Variants in EFNA4 observed in about 807,000 individuals in gnomAD.
The protein encoded by EFNA4 is ephrin A4, also known as ephrin-A4.
A neutral mutation model predicts 23.7 loss-of-function variants in EFNA4; 22 were observed. The ratio of observed to expected loss-of-function variants is 0.93; its 90% CI spans 0.66 to 1.32. EFNA4 has a LOEUF of 1.32. Ranked by LOEUF, EFNA4 falls within the 40% of genes most tolerant of loss-of-function variation. EFNA4 has a pLI of 0.00. For synonymous variants in EFNA4, 113 were observed against 108.3 expected (o/e 1.04, Z -0.27); for missense variants, 252 against 252.3 (o/e 1.00, Z 0.01).
At position 155,063,889 on chromosome 1, in the gene EFNA4, G is replaced by C; in HGVS notation, c.66G>C (p.Gly22=). Reference sequence around the variant, plus strand: ...CGTTCCTCGGCTCCCCTCTGCGCGGGGGCTCCAGCCTCCGCCACGTAGTCT... The same window carrying C: ...CGTTCCTCGGCTCCCCTCTGCGCGGCGGCTCCAGCCTCCGCCACGTAGTCT... The part of the protein sequence containing the change: ...WAAFLGSPLR[G]GSSLRHVVYW... The change falls in exon 1 of 4, where the codon GGG becomes GGC. Residue 22 remains glycine (G), a synonymous_variant. Coordinates refer to ENST00000368409, the MANE Select transcript of EFNA4 (RefSeq NM_005227.3). The surrounding 1 kb of genome is among the most constrained non-coding windows in gnomAD (Gnocchi z 4.1). 2 of 1,567,846 alleles carry C rather than the reference G, an allele frequency of 1.3e-6. No homozygotes were observed. Among genetic ancestry groups the C allele is most frequent in the Non-Finnish European group, 1.7e-6 (2 of 1,158,370 alleles).
rs112776418 is a variant in EFNA4, at chr1:155,066,655, AG to A, written c.114-71del. On this transcript the variant is annotated intron_variant, in intron 1 of 3. Transcript: ENST00000368409. ...GAGAGGCTGGCAGGGGCCTCTGAGA[AG>A]GGGTGTCTCTGGCATCCATGGCCAT... 6.4e-3 allele frequency: 9,510 copies of A among 1,496,974 alleles called. 440 individuals are homozygous for A. The African/African-American group carries it at 0.11, about 17-fold the overall frequency. 92.7% of individuals were successfully genotyped at this position (1,496,974 alleles called of 1,614,324 possible).
chr1:155,065,889 C>T (rs1398043505), intron 1 of EFNA4, among the ~76,000 whole-genome samples: 2 of 152,032 alleles, frequency 1.3e-5, no homozygotes, highest in Non-Finnish European at 1.5e-5. Flanking sequence ...CCCGCCACCA[C>T]GCCCGGCTAG....
chr1:155,068,511 G>A (rs1356048489), intron 3 of EFNA4, among the ~76,000 whole-genome samples: 1 of 127,934 alleles, frequency 7.8e-6, no homozygotes, highest in Non-Finnish European at 1.6e-5. Flanking sequence ...CAAACTCCTG[G>A]CCTCAAGTGA....
chr1:155,068,865 C>T lies in EFNA4; in HGVS notation c.482C>T (p.Ala161Val). 6.2e-7 allele frequency: 1 copy of T among 1,612,796 alleles called. No individual in the cohort carries two copies. Among genetic ancestry groups the T allele is most frequent in the East Asian group, 2.2e-5 (1 of 44,872 alleles). ...CTCCCCCTCACAGAGTCTGAGTCAG[C>T]CCATCCTGTTGGGAGCCCTGGAGAG... ...VCCKERKSES[A>V]HPVGSPGESG... Residue 161 changes from alanine to valine, a missense_variant, in exon 4 of 4, where the codon GCC (alanine) becomes GTC (valine). Transcript: ENST00000368409.
At position 155,068,969 on chromosome 1, in the gene EFNA4, C is replaced by G; in HGVS notation, c.586C>G (p.Arg196Gly). The change falls in exon 4 of 4, where the codon CGT becomes GGT. Residue 196 changes from arginine to glycine, a missense_variant. Arg to Gly is a moderately radical substitution (Grantham distance 125). Coordinates refer to ENST00000368409, the MANE Select transcript of EFNA4 (RefSeq NM_005227.3). Reference protein sequence around the residue: ...LLLLLLLLILRLLRIL With the variant: ...LLLLLLLLILGLLRIL ...GCTATTACTGCTGCTTCTGATTCTTCGTCTTCTGCGAATTCTGTGAGCCAA... is the reference window on the plus strand; with the variant it reads ...GCTATTACTGCTGCTTCTGATTCTTGGTCTTCTGCGAATTCTGTGAGCCAA... The G allele has an allele frequency of 6.2e-7, 1 of 1,614,042 alleles. No individual in the cohort carries two copies. The highest frequency in any genetic ancestry group is 1.7e-5 in the Admixed American group (1 of 59,998).
intron 1 of EFNA4, 47 bp from the exon 2 acceptor site, chr1:155,066,683 G>A (rs1405486186): frequency 6.6e-6 from 10 of 1,521,670 alleles, no homozygotes; most frequent in Non-Finnish European, 8.8e-6. Context: ...CATGGCCATG[G>A]CGTGGTGCCC....
chr1:155,067,010 T>C lies in EFNA4; in HGVS notation c.394T>C (p.Tyr132His). The part of the protein sequence containing the change: ...FEFLPGETYY[Y>H]ISVPTPESSG... ...GTTCTTACCTGGAGAGACTTACTAC[T>C]ACATCTGTGAGTGGCCAAGGGCACA... The change falls in exon 2 of 4, where the codon TAC becomes CAC. Residue 132 changes from tyrosine (Y) to histidine (H), a missense_variant. Transcript: ENST00000368409. The C allele has an allele frequency of 6.2e-7, 1 of 1,605,486 alleles. No homozygotes were observed.
intron 1 of EFNA4, among the ~76,000 whole-genome samples, chr1:155,065,927 G>A (rs368711426): frequency 4.6e-4 from 69 of 151,292 alleles, no homozygotes; most frequent in Non-Finnish European, 7.8e-4. Flanking sequence ...TAGTAGAGAC[G>A]GGGTTTCACC....
Position 155,063,953 on chromosome 1 carries a change from G to C in EFNA4, c.113+17G>C, listed in dbSNP as rs561720557. 2.7e-4 allele frequency: 417 copies of C among 1,530,486 alleles called. 3 individuals are homozygous for C. In the East Asian group the frequency reaches 0.011, roughly 40 times the overall value. The allele number at this position is 1,530,486 out of a possible 1,614,324, so 94.8% of individuals were successfully genotyped here. A position where few individuals can be genotyped will look rare whatever the true frequency, so the allele number is the denominator to read the frequency against. On this transcript the variant is annotated intron_variant, in intron 1 of 3. Coordinates refer to ENST00000368409, the MANE Select transcript of EFNA4 (RefSeq NM_005227.3). This position sits in a 1 kb window ranked among gnomAD's most constrained non-coding sequence, Gnocchi z 4.1. ...TAACCCCAGGTAGCCGGGCCGAACC[G>C]GGCGAGCGCACAGCCAAGTCTGCGC...
In EFNA4 at chr1:155,068,922, C is replaced by T. The variant is rs755687996; in HGVS notation, c.539C>T (p.Thr180Ile). The T allele has an allele frequency of 6.8e-6, 11 of 1,613,950 alleles. No individual in the cohort carries two copies. In the Admixed American group the frequency reaches 1.3e-4, roughly 20 times the overall value. Reference sequence around the variant, plus strand: ...ACATCAGGGTGGCGAGGGGGGGACACTCCCAGCCCCCTCTGTCTCTTGCTA... The same window carrying T: ...ACATCAGGGTGGCGAGGGGGGGACATTCCCAGCCCCCTCTGTCTCTTGCTA... ...SGTSGWRGGD[T>I]PSPLCLLLLL... Residue 180 changes from threonine to isoleucine, a missense_variant, in exon 4 of 4, where the codon ACT (threonine) becomes ATT (isoleucine). By Grantham distance (89) the Thr-to-Ile change is moderately conservative. Transcript: ENST00000368409.
Position 155,066,788 on chromosome 1 carries a change from T to C in EFNA4, c.172T>C (p.Cys58Arg). 1 of 1,611,562 alleles carries C rather than the reference T, an allele frequency of 6.2e-7. No homozygotes were observed. The highest frequency in any genetic ancestry group is 2.2e-5 in the East Asian group (1 of 44,872). Reference sequence around the variant, plus strand: ...CCTCAACGATTACCTAGACATTGTCTGCCCCCACTACGAAGGCCCAGGGCC... The same window carrying C: ...CCTCAACGATTACCTAGACATTGTCCGCCCCCACTACGAAGGCCCAGGGCC... ...LGLNDYLDIV[C>R]PHYEGPGPPE... The change falls in exon 2 of 4, where the codon TGC becomes CGC. Residue 58 changes from cysteine (C) to arginine (R), a missense_variant. By Grantham distance (180) the Cys-to-Arg change is radical. Coordinates refer to ENST00000368409, the MANE Select transcript of EFNA4 (RefSeq NM_005227.3).
At chr1:155,067,315 A>G in intron 2 of EFNA4, 57 bp from the exon 3 acceptor site, 2 of 1,585,966 alleles carry the variant, frequency 1.3e-6, no homozygotes, top group African/African-American at 2.7e-5. Context: ...AAACAGTCTG[A>G]GGCATACAAA....
At chr1:155,066,634 G>A in intron 1 of EFNA4, 96 bp from the exon 2 acceptor site, 1 of 1,440,620 alleles carries the variant, frequency 6.9e-7, no homozygotes, top group Non-Finnish European at 9.3e-7. Context: ...GTGGAGGAGA[G>A]GCTGGCAGGG....
At position 155,069,048 on chromosome 1, in the gene EFNA4, G is replaced by A. The variant is rs1663120523; in HGVS notation, c.*59G>A. On this transcript the variant is annotated 3_prime_UTR_variant, in exon 4 of 4. Coordinates refer to ENST00000368409, the MANE Select transcript of EFNA4 (RefSeq NM_005227.3). ...CAGAGTCCTCCCAAGATCCCCTGGA[G>A]GAGGAGGGATCCCTGCTGCCTGCAC... 6.2e-7 allele frequency: 1 copy of A among 1,612,172 alleles called. No individual in the cohort carries two copies.
chr1:155,064,224 G>A (rs1662924193), intron 1 of EFNA4, among the ~76,000 whole-genome samples: 2 of 152,324 alleles, frequency 1.3e-5, no homozygotes, highest in East Asian at 1.9e-4. Flanking sequence ...TCCGGGCTCC[G>A]CCCCCCTCGC....
intron 3 of EFNA4, among the ~76,000 whole-genome samples, chr1:155,067,810 A>G (rs1216203899): frequency 1.3e-5 from 2 of 151,870 alleles, no homozygotes; most frequent in Non-Finnish European, 2.9e-5. Context: ...TTTAGTAGAG[A>G]TGGGGTTTCA....
chr1:155,064,901 G>A (rs745460728), intron 1 of EFNA4, among the ~76,000 whole-genome samples: 2 of 152,200 alleles, frequency 1.3e-5, no homozygotes, highest in African/African-American at 4.8e-5. Context: ...GAGAACAGGC[G>A]CAGGCAGGAG....
intron 3 of EFNA4, 83 bp downstream of exon 3, chr1:155,067,523 T>C: frequency 1.3e-6 from 2 of 1,508,588 alleles, no homozygotes; most frequent in Non-Finnish European, 1.8e-6. Context: ...TCTAGGAGGA[T>C]CAGACTCCAG....
intron 2 of EFNA4, 141 bp from the exon 3 acceptor site, chr1:155,067,231 G>C: frequency 9.3e-7 from 1 of 1,074,244 alleles, no homozygotes; most frequent in Non-Finnish European, 1.4e-6. Flanking sequence ...GATGGGGCCT[G>C]ATACATGGGT....
Sources: gnomAD v4.1 joint callset for allele counts (sites outside exome capture counted in the v4.1 genomes callset) on GRCh38, gnomAD v4.1.1 for gene constraint, Gnocchi (gnomAD v3.1) non-coding constraint, MANE v1.5 for transcripts, NCBI Gene and HGNC (gene_info 2026-07-23, HGNC 2026-07-21) for gene names.